The following SLC25A12 variants were observed in gnomAD, a reference collection of about 807,000 sequenced individuals.
SLC25A12 encodes the protein solute carrier family 25 member 12, also known as electrogenic aspartate/glutamate antiporter SLC25A12, mitochondrial.
A neutral mutation model predicts 83.3 loss-of-function variants in SLC25A12; 32 were observed. That is an observed-to-expected ratio of 0.38 (90% CI 0.29 to 0.52). SLC25A12 has a LOEUF of 0.52. SLC25A12 is among the 20% of genes least tolerant of loss of function. SLC25A12 has a pLI of 0.84. For missense variants in SLC25A12, 611 were observed against 835.6 expected (o/e 0.73, Z 3.31); for synonymous variants, 267 against 291.1 (o/e 0.92, Z 0.84).
chr2:171,786,367 G>A (rs1422550191), intron 17 of SLC25A12, among the ~76,000 whole-genome samples: 1 of 121,618 alleles, frequency 8.2e-6, no homozygotes, highest in Non-Finnish European at 1.6e-5. Context: ...CTGGGCGACA[G>A]AGCAAGACTC....
Position 171,791,593 on chromosome 2 carries a change from TCA to T in SLC25A12, c.1447-6_1447-5del, listed in dbSNP as rs1558906995. On this transcript the variant is annotated splice_polypyrimidine_tract_variant and splice_region_variant and intron_variant, in intron 14 of 17. Transcript: ENST00000422440. ...GGAGGAAACACGCTTTGGCACCCTG[TCA>T]CACAGTGAGGAAATAGTGCAAAACA... 6.2e-7 allele frequency: 1 copy of T among 1,613,772 alleles called. No homozygotes were observed. Among genetic ancestry groups the T allele is most frequent in the South Asian group, 1.1e-5 (1 of 91,052 alleles).
At chr2:171,867,959 C>G (rs1225767386) in intron 3 of SLC25A12, among the ~76,000 whole-genome samples, 2 of 152,094 alleles carry the variant, frequency 1.3e-5, no homozygotes, top group African/African-American at 4.8e-5. Flanking sequence ...ATTCTCCTAT[C>G]TCAGGCTCCC....
At chr2:171,860,805 G>A (rs1685140653) in intron 3 of SLC25A12, among the ~76,000 whole-genome samples, 1 of 152,114 alleles carries the variant, frequency 6.6e-6, no homozygotes. Flanking sequence ...AATCTGGCCA[G>A]GTACAGTGGC....
chr2:171,834,863 T>A lies in SLC25A12; in HGVS notation c.615A>T (p.Ala205=), dbSNP rs987161575. 4 of 1,613,610 alleles carry A rather than the reference T, an allele frequency of 2.5e-6. No homozygotes were observed. The African/African-American group carries it at 4.0e-5, about 16-fold the overall frequency. ...CCTGGTGTGAGATACTTCCTCCAGCTGCCTAGAAAATGACAACACAAAAAG... is the reference window on the plus strand; with the variant it reads ...CCTGGTGTGAGATACTTCCTCCAGCAGCCTAGAAAATGACAACACAAAAAG... The part of the protein sequence containing the change: ...TPFVEENLVS[A]AGGSISHQVS... Residue 205 remains alanine (A), a splice_region_variant and synonymous_variant, in exon 7 of 18, where the codon GCA becomes GCT. Coordinates refer to ENST00000422440, the MANE Select transcript of SLC25A12 (RefSeq NM_003705.5).
chr2:171,888,592 C>T (rs1685872786), intron 2 of SLC25A12, among the ~76,000 whole-genome samples: 1 of 151,994 alleles, frequency 6.6e-6, no homozygotes, highest in South Asian at 2.1e-4. Flanking sequence ...CAGGCGTGCG[C>T]TACCACATCT....
intron 5 of SLC25A12, among the ~76,000 whole-genome samples, chr2:171,841,155 C>T (rs1236344934): frequency 6.6e-6 from 1 of 152,226 alleles, no homozygotes; most frequent in Non-Finnish European, 1.5e-5. Context: ...CCTTGGCTTA[C>T]TGCAACTTCT....
chr2:171,880,368 C>T (rs1196341520), intron 2 of SLC25A12, among the ~76,000 whole-genome samples: 1 of 152,132 alleles, frequency 6.6e-6, no homozygotes, highest in Non-Finnish European at 1.5e-5. Flanking sequence ...CTGCAACCTC[C>T]ACCTCCCAGG....
chr2:171,787,448 A>AT (rs1221984163), intron 17 of SLC25A12, 123 bp downstream of exon 17: 3 of 831,988 alleles, frequency 3.6e-6, no homozygotes, highest in Non-Finnish European at 6.4e-6. Flanking sequence ...TTTTAAATGC[A>AT]TTGGTCTTAA....
chr2:171,875,922 A>AAG (rs1574001324), intron 2 of SLC25A12, among the ~76,000 whole-genome samples: 1 of 150,122 alleles, frequency 6.7e-6, no homozygotes, highest in East Asian at 2.0e-4. Context: ...AAAAAAAAAA[A>AAG]AAAAAAAAGA....
At chr2:171,882,838 G>T (rs115149730) in intron 2 of SLC25A12, among the ~76,000 whole-genome samples, 1,954 of 152,202 alleles carry the variant, frequency 0.013, 38 homozygotes, top group African/African-American at 0.043. Context: ...AAAAAAATAT[G>T]TATTTTTTCA....
At chr2:171,858,310 G>A (rs998963770) in intron 3 of SLC25A12, among the ~76,000 whole-genome samples, 1 of 152,020 alleles carries the variant, frequency 6.6e-6, no homozygotes, top group African/African-American at 2.4e-5. Flanking sequence ...TATTTTTCAT[G>A]CAATTTCTGT....
intron 11 of SLC25A12, among the ~76,000 whole-genome samples, chr2:171,811,454 CA>C (rs1391425925): frequency 6.6e-6 from 1 of 152,300 alleles, no homozygotes. Context: ...ATTTGTTTTA[CA>C]ACTCGCCTCA....
At chr2:171,876,045 G>A (rs868467719) in intron 2 of SLC25A12, among the ~76,000 whole-genome samples, 10 of 151,898 alleles carry the variant, frequency 6.6e-5, no homozygotes, top group African/African-American at 9.7e-5. Flanking sequence ...AGGAAATAGA[G>A]CAGCCTTAGC....
intron 2 of SLC25A12, 89 bp downstream of exon 2, chr2:171,893,116 C>T (rs1013398483): frequency 2.0e-6 from 2 of 1,010,688 alleles, no homozygotes; most frequent in East Asian, 2.4e-5. Context: ...GAAAACTGAA[C>T]ATTCCTCAAA....
At chr2:171,819,391 ATT>A (rs1316859850) in intron 9 of SLC25A12, among the ~76,000 whole-genome samples, 16 of 85,154 alleles carry the variant, frequency 1.9e-4, no homozygotes, top group South Asian at 8.1e-4. Flanking sequence ...TATAATATAT[ATT>A]ATATAATTAT....
chr2:171,892,411 G>A (rs1403405440), intron 2 of SLC25A12, among the ~76,000 whole-genome samples: 2 of 152,138 alleles, frequency 1.3e-5, no homozygotes, highest in South Asian at 2.1e-4. Context: ...ATTTTTAGTA[G>A]AGACGGGGTT....
intron 15 of SLC25A12, among the ~76,000 whole-genome samples, chr2:171,790,712 A>AT (rs577150841): frequency 0.027 from 3,961 of 147,364 alleles, 100 homozygotes; most frequent in African/African-American, 0.058. Context: ...TAAAAGACAA[A>AT]TTTTTTTTTT....
chr2:171,831,785 G>C (rs762704499), intron 8 of SLC25A12, among the ~76,000 whole-genome samples: 5 of 152,042 alleles, frequency 3.3e-5, no homozygotes, highest in Admixed American at 6.6e-5. Flanking sequence ...TGTAGTCCCA[G>C]CTACTCGGGA....
intron 4 of SLC25A12, among the ~76,000 whole-genome samples, chr2:171,846,085 C>G (rs1002833798): frequency 6.6e-6 from 1 of 151,964 alleles, no homozygotes; most frequent in African/African-American, 2.4e-5. Flanking sequence ...ATATTTAGGG[C>G]TACAAATATT....
Sources: allele counts gnomAD v4.1 joint callset (sites outside exome capture counted in the v4.1 genomes callset), GRCh38; gene constraint gnomAD v4.1.1; transcripts MANE v1.5; gene names NCBI Gene and HGNC (gene_info 2026-07-23, HGNC 2026-07-21).